RIMS2: variants seen among roughly 807,000 people sequenced by gnomAD.
RIMS2 encodes regulating synaptic membrane exocytosis protein 2.
In RIMS2, 59 loss-of-function variants were observed where a neutral mutation model predicts 174.4. The observed-to-expected ratio is 0.34, with a 90% CI of 0.27 to 0.42. The LOEUF (loss-of-function observed/expected upper bound fraction) is 0.42. Among genes scored for constraint, RIMS2 ranks in the 10% least tolerant of loss-of-function variants. RIMS2 has a pLI of 1.00. For synonymous variants in RIMS2, 606 were observed against 572.5 expected (o/e 1.06, Z -0.84); for missense variants, 1,620 against 1,666.3 (o/e 0.97, Z 0.48).
At chr8:103,954,180 C>T (rs2086355031) in intron 14 of RIMS2, among the ~76,000 whole-genome samples, 1 of 152,110 alleles carries the variant, frequency 6.6e-6, no homozygotes, top group South Asian at 2.1e-4. Context: ...CCACTGTCAA[C>T]ATTAGACAGA....
intron 19 of RIMS2, among the ~76,000 whole-genome samples, chr8:104,049,721 A>T (rs1401829500): frequency 6.6e-6 from 1 of 152,152 alleles, no homozygotes; most frequent in African/African-American, 2.4e-5. Flanking sequence ...AAAATGAAAA[A>T]TTTTCCACTT....
At chr8:104,223,891 T>A in intron 19 of RIMS2, 1 of 928,490 alleles carries the variant, frequency 1.1e-6, no homozygotes. Context: ...CGTAGCAGTG[T>A]CCCAGCCCCT....
At chr8:103,624,282 A>G (rs2095719576) in intron 1 of RIMS2, among the ~76,000 whole-genome samples, 1 of 152,220 alleles carries the variant, frequency 6.6e-6, no homozygotes, top group Non-Finnish European at 1.5e-5. Flanking sequence ...CTTGAAGAAA[A>G]TAAAAGGCAG....
At chr8:104,011,097 T>G (rs2095747927) in intron 17 of RIMS2, among the ~76,000 whole-genome samples, 1 of 152,176 alleles carries the variant, frequency 6.6e-6, no homozygotes, top group Admixed American at 6.6e-5. Flanking sequence ...AGGGACCTGA[T>G]GTAAGACTGT....
intron 3 of RIMS2, among the ~76,000 whole-genome samples, chr8:103,776,950 A>T (rs1340295094): frequency 6.6e-6 from 1 of 152,138 alleles, no homozygotes; most frequent in East Asian, 1.9e-4. Flanking sequence ...GGCTTCATTA[A>T]CAGAAGAACT....
chr8:103,567,957 T>G (rs1271726941), intron 1 of RIMS2, among the ~76,000 whole-genome samples: 2 of 152,190 alleles, frequency 1.3e-5, no homozygotes, highest in African/African-American at 2.4e-5. Context: ...TTTTATATTT[T>G]ATTTGAAGAA....
intron 19 of RIMS2, among the ~76,000 whole-genome samples, chr8:104,229,300 A>G (rs561838629): frequency 7.2e-5 from 11 of 152,230 alleles, no homozygotes; most frequent in African/African-American, 2.6e-4. Flanking sequence ...ATCATTCTGT[A>G]TATTTGTTCT....
chr8:104,247,717 A>G (rs909173526), intron 20 of RIMS2, among the ~76,000 whole-genome samples: 39 of 152,174 alleles, frequency 2.6e-4, no homozygotes, highest in African/African-American at 9.2e-4. Context: ...GGACAGGAGC[A>G]TGGAGAGAGT....
intron 3 of RIMS2, among the ~76,000 whole-genome samples, chr8:103,851,363 C>T (rs1490400433): frequency 6.7e-6 from 1 of 150,120 alleles, no homozygotes; most frequent in Non-Finnish European, 1.5e-5. Flanking sequence ...TTTGATAATT[C>T]AGAAATATTT....
At chr8:103,606,533 T>C (rs2095094983) in intron 1 of RIMS2, among the ~76,000 whole-genome samples, 1 of 152,232 alleles carries the variant, frequency 6.6e-6, no homozygotes, top group Admixed American at 6.5e-5. Context: ...GGTGCAGAGC[T>C]GGGTTCAATT....
chr8:103,587,886 G>A (rs1287011706), intron 1 of RIMS2, among the ~76,000 whole-genome samples: 2 of 151,846 alleles, frequency 1.3e-5, no homozygotes, highest in African/African-American at 4.8e-5. Context: ...GATTCAACAT[G>A]GTACTGGAAG....
intron 19 of RIMS2, among the ~76,000 whole-genome samples, chr8:104,057,524 A>G (rs1431727790): frequency 6.6e-6 from 1 of 152,066 alleles, no homozygotes; most frequent in South Asian, 2.1e-4. Context: ...TAATCAACTT[A>G]TATCCAAAAT....
chr8:103,906,760 T>C (rs889151453), intron 4 of RIMS2, among the ~76,000 whole-genome samples: 4 of 152,156 alleles, frequency 2.6e-5, no homozygotes, highest in African/African-American at 9.7e-5. Flanking sequence ...GCTTCTACTG[T>C]TTTATCTCTA....
At chr8:103,996,432 A>G (rs1281680194) in intron 17 of RIMS2, among the ~76,000 whole-genome samples, 2 of 151,962 alleles carry the variant, frequency 1.3e-5, no homozygotes, top group East Asian at 3.8e-4. Context: ...GAGAGCCCAG[A>G]AGCAGATGGA....
chr8:104,187,808 T>C (rs1299767361), intron 19 of RIMS2, among the ~76,000 whole-genome samples: 6 of 151,800 alleles, frequency 4.0e-5, no homozygotes, highest in Non-Finnish European at 1.5e-5. Context: ...AGACTTCAGC[T>C]TGATAAAATT....
At chr8:103,831,819 A>T (rs1444146571) in intron 3 of RIMS2, among the ~76,000 whole-genome samples, 1 of 152,172 alleles carries the variant, frequency 6.6e-6, no homozygotes, top group Non-Finnish European at 1.5e-5. Context: ...AACCCAACTA[A>T]AAATGGCTTA....
intron 19 of RIMS2, among the ~76,000 whole-genome samples, chr8:104,125,199 G>A (rs2098418748): frequency 6.6e-6 from 1 of 152,146 alleles, no homozygotes; most frequent in Admixed American, 6.6e-5. Flanking sequence ...TGAATAGAAA[G>A]TAAGTGTCTG....
At chr8:103,984,885 C>A (rs566489607) in intron 16 of RIMS2, among the ~76,000 whole-genome samples, 1 of 152,256 alleles carries the variant, frequency 6.6e-6, no homozygotes. Context: ...TCACTTGTAA[C>A]AACATGGATG....
chr8:104,250,962 T>C (rs769218952), intron 22 of RIMS2, 62 bp from the exon 29 acceptor site: 7 of 1,421,894 alleles, frequency 4.9e-6, no homozygotes, highest in Non-Finnish European at 6.9e-6. Context: ...AATGTCACCG[T>C]GCGTCGGCCA....
Sources: allele counts gnomAD v4.1 joint callset (sites outside exome capture counted in the v4.1 genomes callset), GRCh38; gene constraint gnomAD v4.1.1; transcripts MANE v1.5; gene names NCBI Gene and HGNC (gene_info 2026-07-23, HGNC 2026-07-21).